The following AAR2 variants were observed in gnomAD, a reference collection of about 807,000 sequenced individuals.
AAR2 encodes protein AAR2 homolog.
A neutral mutation model predicts 26.9 loss-of-function variants in AAR2; 31 were observed. That is an observed-to-expected ratio of 1.15 (90% CI 0.86 to 1.55). AAR2 has a LOEUF of 1.55. AAR2 is among the 40% of genes most tolerant of loss of function. The pLI, the probability that AAR2 is intolerant of heterozygous loss-of-function variation, is 0.00. For synonymous variants in AAR2, 188 were observed against 196.1 expected (o/e 0.96, Z 0.34); for missense variants, 430 against 491.3 (o/e 0.88, Z 1.18).
rs377157882 is a variant in AAR2, at chr20:36,244,889, T to C, written c.950T>C (p.Ile317Thr). 10 of 1,614,180 alleles carry C rather than the reference T, an allele frequency of 6.2e-6. No homozygotes were observed. Among genetic ancestry groups the C allele is most frequent in the Admixed American group, 1.7e-5 (1 of 60,028 alleles). ...GEIPADFFVDIVSQDNFLTST... is the reference protein window; with the variant it reads ...GEIPADFFVDTVSQDNFLTST... ...ATCCCCGCTGACTTCTTCGTAGACA[T>C]TGTCTCCCAAGACAACTTCCTCACC... The change falls in exon 3 of 4, where the codon ATT (isoleucine) becomes ACT (threonine). Residue 317 changes from isoleucine (I) to threonine (T), a missense_variant. Physicochemically the swap from Ile to Thr is moderately conservative, Grantham distance 89. Coordinates refer to ENST00000320849, the MANE Select transcript of AAR2 (RefSeq NM_001271874.2).
Position 36,255,856 on chromosome 20 carries a change from G to A in AAR2, c.*111G>A. On this transcript the variant is annotated 3_prime_UTR_variant, in exon 4 of 4. Coordinates refer to ENST00000320849, the MANE Select transcript of AAR2 (RefSeq NM_001271874.2). ...CCTGCCAGGGCAGCAATCTCTCCAG[G>A]TCCTGCAAAGATGGAGCCAGAATTC... 7.6e-7 allele frequency: 1 copy of A among 1,319,204 alleles called. No individual in the cohort carries two copies. The highest frequency in any genetic ancestry group is 1.0e-6 in the Non-Finnish European group (1 of 971,238). The allele number at this position is 1,319,204 out of a possible 1,614,324, so 81.7% of individuals were successfully genotyped here.
At chr20:36,252,427 C>G (rs960032483) in intron 3 of AAR2, among the ~76,000 whole-genome samples, 1 of 152,150 alleles carries the variant, frequency 6.6e-6, no homozygotes, top group Non-Finnish European at 1.5e-5. Context: ...ACAAGATCAA[C>G]AGCAAATGGC....
intron 2 of AAR2, 64 bp from the exon 3 acceptor site, chr20:36,244,633 T>A: frequency 6.7e-7 from 1 of 1,483,268 alleles, no homozygotes; most frequent in Non-Finnish European, 9.4e-7. Flanking sequence ...TTGTGAATAG[T>A]GATGGAGAGT....
At position 36,242,221 on chromosome 20, in the gene AAR2, G is replaced by A. The variant is rs113945886; in HGVS notation, c.757+1596G>A. On this transcript the variant is annotated intron_variant, in intron 2 of 3. Transcript: ENST00000320849. ...GGAGTACAGTCAGTCACACAATCAT[G>A]TCTTACTGCCACCTCAACCTCTCGG... 5.6e-3 allele frequency among the ~76,000 whole-genome samples: 781 copies of A among 139,968 alleles called. 10 individuals are homozygous for A. Among genetic ancestry groups the A allele is most frequent in the African/African-American group, 0.02 (738 of 37,328 alleles). 91.8% of individuals were successfully genotyped at this position (139,968 alleles called of 152,430 possible). A position where few individuals can be genotyped will look rare whatever the true frequency, so the allele number is the denominator to read the frequency against.
intron 1 of AAR2, chr20:36,236,882 G>A (rs1022156375): frequency 6.6e-6 from 1 of 152,140 alleles, no homozygotes; most frequent in African/African-American, 2.4e-5. Flanking sequence ...TCTGTGCTAG[G>A]GATACAGCAG....
chr20:36,244,833 C>A lies in AAR2; in HGVS notation c.894C>A (p.Leu298=), dbSNP rs117200013. The part of the protein sequence containing the change: ...MMKHHTLYIN[L]ISILYHQLGE... ...AGCACCACACCCTCTACATCAACCT[C>A]ATCTCCATCCTGTACCACCAGCTTG... is the stretch of plus-strand genomic sequence containing the variant. Residue 298 remains leucine, a synonymous_variant, in exon 3 of 4, where the codon CTC becomes CTA. Transcript: ENST00000320849. 1,182 of 1,614,206 alleles carry A rather than the reference C, an allele frequency of 7.3e-4. 30 individuals carry two copies. In the East Asian group the frequency reaches 0.025, roughly 34 times the overall value.
At chr20:36,237,781 T>TATTATTATG (rs2064628815) in intron 1 of AAR2, among the ~76,000 whole-genome samples, 4 of 143,460 alleles carry the variant, frequency 2.8e-5, no homozygotes, top group Admixed American at 2.8e-4. Context: ...TTATTATTAT[T>TATTATTATG]ATTATTATTA....
intron 3 of AAR2, among the ~76,000 whole-genome samples, chr20:36,251,635 C>T (rs1213831667): frequency 6.6e-6 from 1 of 152,214 alleles, no homozygotes; most frequent in East Asian, 1.9e-4. Flanking sequence ...TTTGTCACTG[C>T]GTGTTGCCGC....
Position 36,255,965 on chromosome 20 carries a change from C to T in AAR2, c.*220C>T, listed in dbSNP as rs2064817989. 1.6e-6 allele frequency: 1 copy of T among 614,506 alleles called. No homozygotes were observed. The highest frequency in any genetic ancestry group is 2.7e-6 in the Non-Finnish European group (1 of 366,836). The allele number at this position is 614,506 out of a possible 1,614,324, so 38.1% of individuals were successfully genotyped here. On this transcript the variant is annotated 3_prime_UTR_variant, in exon 4 of 4. Transcript: ENST00000320849. The stretch of plus-strand genomic sequence containing the variant: ...GCACATTTGTGGGTTCCCCATCAGC[C>T]AGGCCTTGGTGCTAACCTGGCTGAA...
rs888313677 is a variant in AAR2 at position 36,238,295 on chromosome 20, T to C, written c.-48-1526T>C. Among the ~76,000 whole-genome samples the C allele has an allele frequency of 8.5e-5, 13 of 152,200 alleles. No homozygotes were observed. In the South Asian group the frequency reaches 1.0e-3, roughly 12 times the overall value. On this transcript the variant is annotated intron_variant, in intron 1 of 3. Coordinates refer to ENST00000320849, the MANE Select transcript of AAR2 (RefSeq NM_001271874.2). ...ATAATGCTGGTTGAGACCTTCACAT[T>C]GATTTCCTAATCCACTAATGGATTG...
intron 3 of AAR2, among the ~76,000 whole-genome samples, chr20:36,249,980 ATCT>A (rs1288705354): frequency 1.4e-4 from 22 of 152,218 alleles, no homozygotes; most frequent in Admixed American, 7.9e-4. Flanking sequence ...TGGAAACAAA[ATCT>A]TCTACCTATT....
chr20:36,255,320 C>T (rs2064810728), intron 3 of AAR2, among the ~76,000 whole-genome samples: 1 of 152,234 alleles, frequency 6.6e-6, no homozygotes, highest in Admixed American at 6.5e-5. Context: ...TAGAACCCCC[C>T]AGGGGGTGGA....
At chr20:36,245,952 G>C (rs1443292549) in intron 3 of AAR2, among the ~76,000 whole-genome samples, 1 of 152,210 alleles carries the variant, frequency 6.6e-6, no homozygotes, top group African/African-American at 2.4e-5. Flanking sequence ...CCAGGAGTTT[G>C]AGGCTATAGT....
chr20:36,242,456 G>A (rs1380620650), intron 2 of AAR2, among the ~76,000 whole-genome samples: 2 of 151,868 alleles, frequency 1.3e-5, no homozygotes, highest in Non-Finnish European at 2.9e-5. Flanking sequence ...AGTGGTGTGA[G>A]TTCGGCTCAC....
intron 3 of AAR2, among the ~76,000 whole-genome samples, chr20:36,245,565 A>C (rs569519687): frequency 6.6e-6 from 1 of 152,160 alleles, no homozygotes; most frequent in Non-Finnish European, 1.5e-5. Flanking sequence ...CTTTCTCAAG[A>C]ATAGAAGAGG....
intron 3 of AAR2, among the ~76,000 whole-genome samples, chr20:36,252,116 G>T (rs544195468): frequency 6.6e-6 from 1 of 152,314 alleles, no homozygotes; most frequent in East Asian, 1.9e-4. Flanking sequence ...GGGAACAGGG[G>T]TCTGAGCAGT....
Position 36,239,829 on chromosome 20 carries a change from C to T in AAR2, c.-40C>T. 6.6e-7 allele frequency: 1 copy of T among 1,519,116 alleles called. No individual in the cohort carries two copies. The highest frequency in any genetic ancestry group is 1.3e-5 in the South Asian group (1 of 75,576). The allele number at this position is 1,519,116 out of a possible 1,614,324, so 94.1% of individuals were successfully genotyped here. ...GTTTCTTTCTTTCTCAGCTGTTCAT[C>T]AAAGAAAAAGGGTTCTTTTGGTCAC... On this transcript the variant is annotated 5_prime_UTR_variant, in exon 2 of 4. Transcript: ENST00000320849.
chr20:36,248,281 TG>T (rs959502052), intron 3 of AAR2, among the ~76,000 whole-genome samples: 1 of 152,166 alleles, frequency 6.6e-6, no homozygotes, highest in Non-Finnish European at 1.5e-5. Context: ...CACTGAGTCA[TG>T]GGCTCCTTTT....
intron 1 of AAR2, 134 bp from the exon 2 acceptor site, chr20:36,239,682 TCAATG>T (rs1427052937): frequency 1.5e-6 from 1 of 680,082 alleles, no homozygotes; most frequent in African/African-American, 1.8e-5. Flanking sequence ...ATCTGTAAAC[TCAATG>T]CAGGGTTGTC....
Sources: allele counts gnomAD v4.1 joint callset (sites outside exome capture counted in the v4.1 genomes callset), GRCh38; gene constraint gnomAD v4.1.1; transcripts MANE v1.5; gene names NCBI Gene and HGNC (gene_info 2026-07-23, HGNC 2026-07-21).